The following MMRN1 variants were observed in gnomAD, a reference collection of about 807,000 sequenced individuals.
The protein encoded by MMRN1 is multimerin-1.
In MMRN1, 94 loss-of-function variants were observed where a neutral mutation model predicts 100.7. The ratio of observed to expected loss-of-function variants is 0.93; its 90% CI spans 0.79 to 1.11. The LOEUF (loss-of-function observed/expected upper bound fraction) is 1.11. MMRN1 is among the 50% of genes least tolerant of loss of function. The pLI, the probability that MMRN1 is intolerant of heterozygous loss-of-function variation, is 0.00. For synonymous variants in MMRN1, 575 were observed against 505.0 expected (o/e 1.14, Z -1.86); for missense variants, 1,606 against 1,439.1 (o/e 1.12, Z -1.88).
upstream of MMRN1, among the ~76,000 whole-genome samples, chr4:89,891,529 C>T (rs534525323): frequency 6.6e-6 from 1 of 152,202 alleles, no homozygotes; most frequent in Admixed American, 6.5e-5. Context: ...ACTTACCTAA[C>T]ATGTTTGTAA....
Position 89,935,975 on chromosome 4 carries a change from T to C in MMRN1, c.2295T>C (p.Cys765=), listed in dbSNP as rs1379781641. 1.2e-6 allele frequency: 2 copies of C among 1,612,516 alleles called. No homozygotes were observed. The highest frequency in any genetic ancestry group is 3.3e-5 in the Admixed American group (2 of 59,914). The change falls in exon 6 of 8, where the codon TGT becomes TGC. Residue 765 remains cysteine (C), a synonymous_variant. Coordinates refer to ENST00000264790, the MANE Select transcript of MMRN1 (RefSeq NM_007351.3). ...ATAATAGTGAGATCCATCATAAATG[T>C]ACCTCCGATATGGAAACTATTTTGA... ...IKDNSEIHHK[C]TSDMETILTF...
chr4:89,950,842 A>G (rs1379651238), intron 6 of MMRN1, among the ~76,000 whole-genome samples: 3 of 152,024 alleles, frequency 2.0e-5, no homozygotes, highest in Non-Finnish European at 4.4e-5. Flanking sequence ...TACAGGTGTG[A>G]GCCACCATAC....
intron 2 of MMRN1, among the ~76,000 whole-genome samples, chr4:89,910,042 A>G (rs770961329): frequency 4.6e-5 from 7 of 151,444 alleles, no homozygotes; most frequent in Non-Finnish European, 8.9e-5. Context: ...AAAAACTCCA[A>G]TTGTTATTCA....
chr4:89,935,741 T>C lies in MMRN1; in HGVS notation c.2061T>C (p.Ser687=). ...AAAATCTGACTAGTGCTGTCAATAG[T>C]CTAAATTTTATTATCAAAGAACTTA... ...KIENLTSAVN[S]LNFIIKELTK... The change falls in exon 6 of 8, where the codon AGT becomes AGC. Residue 687 remains serine (S), a synonymous_variant. Transcript: ENST00000264790. 1 of 1,611,772 alleles carries C rather than the reference T, an allele frequency of 6.2e-7. No individual in the cohort carries two copies. The highest frequency in any genetic ancestry group is 8.5e-7 in the Non-Finnish European group (1 of 1,179,298).
rs1723255605 is a variant in MMRN1 at position 89,953,658 on chromosome 4, T to G, written c.*240T>G. The G allele has an allele frequency of 2.8e-6, 1 of 360,430 alleles. No homozygotes were observed. The highest frequency in any genetic ancestry group is 4.9e-6 in the Non-Finnish European group (1 of 202,976). The allele number at this position is 360,430 out of a possible 1,614,324, so 22.3% of individuals were successfully genotyped here. On this transcript the variant is annotated 3_prime_UTR_variant, in exon 8 of 8. Transcript: ENST00000264790. ...AGTGGCACAGAAAACAAAGTGAATT[T>G]GTTAGCATAATTATTCCTATTCTTA... is the stretch of plus-strand genomic sequence containing the variant.
At chr4:89,897,501 C>A (rs1444155786) in intron 1 of MMRN1, among the ~76,000 whole-genome samples, 2 of 152,068 alleles carry the variant, frequency 1.3e-5, no homozygotes, top group Non-Finnish European at 2.9e-5. Flanking sequence ...AGCCACCGCA[C>A]CCAGCCAGAA....
intron 1 of MMRN1, among the ~76,000 whole-genome samples, chr4:89,897,299 C>A (rs890245554): frequency 2.0e-5 from 3 of 151,956 alleles, no homozygotes; most frequent in African/African-American, 7.3e-5. Context: ...ATCTTCGACT[C>A]CCAGGTTCAA....
In MMRN1 at chr4:89,895,528, G is replaced by A. The variant is rs200662674; in HGVS notation, c.557G>A (p.Arg186Gln). ...NRAPRETYLS[R>Q]GDSSSSQRTD... ...GCCCCACGGGAAACATACCTCAGCC[G>A]GGGTGACAGCAGTTCCAGCCAAAGA... The change falls in exon 1 of 8, where the codon CGG becomes CAG. Residue 186 changes from arginine to glutamine, a missense_variant. By Grantham distance (43) the Arg-to-Gln change is conservative (BLOSUM62 1). Coordinates refer to ENST00000264790, the MANE Select transcript of MMRN1 (RefSeq NM_007351.3). 209 of 1,613,774 alleles carry A rather than the reference G, an allele frequency of 1.3e-4. 1 individual carries two copies. The highest frequency in any genetic ancestry group is 2.9e-4 in the South Asian group (26 of 91,072).
intron 6 of MMRN1, among the ~76,000 whole-genome samples, chr4:89,945,295 G>C (rs1414034710): frequency 6.6e-6 from 1 of 152,098 alleles, no homozygotes; most frequent in Admixed American, 6.6e-5. Context: ...TGTGGATAAA[G>C]CTGCTATAAA....
At chr4:89,952,362 ATG>A (rs1339731122) in intron 7 of MMRN1, among the ~76,000 whole-genome samples, 1 of 151,840 alleles carries the variant, frequency 6.6e-6, no homozygotes, top group African/African-American at 2.4e-5. Flanking sequence ...CAGCATAAAA[ATG>A]TGTTATTTAA....
At chr4:89,898,072 T>C (rs1057085453) in intron 1 of MMRN1, among the ~76,000 whole-genome samples, 32 of 152,248 alleles carry the variant, frequency 2.1e-4, no homozygotes, top group African/African-American at 7.2e-4. Flanking sequence ...TCCTTACTCA[T>C]TAGGCCATGC....
intron 6 of MMRN1, among the ~76,000 whole-genome samples, chr4:89,942,451 A>G (rs894672631): frequency 6.6e-6 from 1 of 152,168 alleles, no homozygotes; most frequent in Admixed American, 6.6e-5. Flanking sequence ...ATCTAAGTGA[A>G]CATGATATTT....
intron 5 of MMRN1, among the ~76,000 whole-genome samples, chr4:89,932,249 G>C (rs1722462860): frequency 6.6e-6 from 1 of 152,172 alleles, no homozygotes; most frequent in Non-Finnish European, 1.5e-5. Context: ...AGGTCACACT[G>C]ATGCAAGAGG....
chr4:89,943,127 CAA>C (rs1417547470), intron 6 of MMRN1, among the ~76,000 whole-genome samples: 1 of 151,990 alleles, frequency 6.6e-6, no homozygotes, highest in Non-Finnish European at 1.5e-5. Flanking sequence ...CAAGAAGAAA[CAA>C]AAGAGACAGG....
chr4:89,930,709 T>C (rs1461461766), intron 5 of MMRN1, among the ~76,000 whole-genome samples: 1 of 152,072 alleles, frequency 6.6e-6, no homozygotes, highest in African/African-American at 2.4e-5. Flanking sequence ...TTAATATTAC[T>C]ATTGAATAGT....
chr4:89,904,672 C>G (rs60847430), intron 1 of MMRN1, among the ~76,000 whole-genome samples: 12,429 of 151,406 alleles, frequency 0.082, 928 homozygotes, highest in East Asian at 0.3. Context: ...TTTTCTTTTT[C>G]CATTCATCTG....
intron 1 of MMRN1, among the ~76,000 whole-genome samples, chr4:89,879,826 A>G (rs548579319): frequency 6.6e-6 from 1 of 152,188 alleles, no homozygotes; most frequent in Non-Finnish European, 1.5e-5. Context: ...AGAATTCAAC[A>G]AGACATGTGA....
At chr4:89,926,258 G>T (rs1722255796) in intron 4 of MMRN1, among the ~76,000 whole-genome samples, 1 of 152,206 alleles carries the variant, frequency 6.6e-6, no homozygotes, top group South Asian at 2.1e-4. Context: ...GGTATGGGGG[G>T]GTTCCCTTTC....
At chr4:89,885,713 A>G (rs1720920601) in intron 1 of MMRN1, among the ~76,000 whole-genome samples, 2 of 152,162 alleles carry the variant, frequency 1.3e-5, no homozygotes, top group Middle Eastern at 3.4e-3. Flanking sequence ...TATTCTTGCA[A>G]TGTGTGTAGG....
Sources: allele counts gnomAD v4.1 joint callset (sites outside exome capture counted in the v4.1 genomes callset), GRCh38; gene constraint gnomAD v4.1.1; transcripts MANE v1.5; gene names NCBI Gene and HGNC (gene_info 2026-07-23, HGNC 2026-07-21).